Variants in ADAMTS3 observed in about 807,000 individuals in gnomAD.
The protein encoded by ADAMTS3 is ADAM metallopeptidase with thrombospondin type 1 motif 3, also known as A disintegrin and metalloproteinase with thrombospondin motifs 3.
A neutral mutation model predicts 129.0 loss-of-function variants in ADAMTS3; 73 were observed. That is an observed-to-expected ratio of 0.57 (90% CI 0.47 to 0.69). ADAMTS3 has a LOEUF of 0.69. Among genes scored for constraint, ADAMTS3 ranks in the 30% least tolerant of loss-of-function variants. The pLI, the probability that ADAMTS3 is intolerant of heterozygous loss-of-function variation, is 0.00. For missense variants in ADAMTS3, 1,457 were observed against 1,514.5 expected (o/e 0.96, Z 0.63); for synonymous variants, 477 against 510.8 (o/e 0.93, Z 0.89).
intron 2 of ADAMTS3, among the ~76,000 whole-genome samples, chr4:72,564,769 C>T (rs1281711477): frequency 1.3e-5 from 2 of 152,144 alleles, no homozygotes; most frequent in East Asian, 3.8e-4. Flanking sequence ...CACAAACTGC[C>T]TTCTCTTTAC....
At chr4:72,326,310 C>T (rs1719696994) in intron 5 of ADAMTS3, among the ~76,000 whole-genome samples, 1 of 152,024 alleles carries the variant, frequency 6.6e-6, no homozygotes, top group Admixed American at 6.6e-5. Flanking sequence ...ATTTTCAAGG[C>T]TTAAAAAAGT....
intron 3 of ADAMTS3, among the ~76,000 whole-genome samples, chr4:72,455,481 G>A (rs2109974992): frequency 6.6e-6 from 1 of 151,322 alleles, no homozygotes; most frequent in Non-Finnish European, 1.5e-5. Flanking sequence ...TTGGGGGTGG[G>A]GAACTATGGG....
chr4:72,427,356 C>T (rs1262157291), intron 3 of ADAMTS3, among the ~76,000 whole-genome samples: 1 of 152,056 alleles, frequency 6.6e-6, no homozygotes, highest in Non-Finnish European at 1.5e-5. Context: ...CATTACATTC[C>T]CCTTTTGAGT....
At chr4:72,346,594 G>A (rs997476320) in intron 4 of ADAMTS3, among the ~76,000 whole-genome samples, 4 of 152,052 alleles carry the variant, frequency 2.6e-5, no homozygotes, top group Non-Finnish European at 4.4e-5. Context: ...ACATTTGGGT[G>A]TGGGCAAGGT....
intron 2 of ADAMTS3, among the ~76,000 whole-genome samples, chr4:72,565,366 G>GA (rs953316267): frequency 3.3e-5 from 5 of 151,882 alleles, no homozygotes; most frequent in South Asian, 4.2e-4. Context: ...TCAGTTAATA[G>GA]AAAAAAAATA....
intron 3 of ADAMTS3, among the ~76,000 whole-genome samples, chr4:72,426,350 T>C (rs967746698): frequency 6.6e-6 from 1 of 152,162 alleles, no homozygotes; most frequent in Non-Finnish European, 1.5e-5. Context: ...TAGATCCCAT[T>C]TGTCAATTTT....
chr4:72,363,944 G>C (rs1415352938), intron 4 of ADAMTS3, among the ~76,000 whole-genome samples: 2 of 151,778 alleles, frequency 1.3e-5, no homozygotes, highest in Admixed American at 6.6e-5. Context: ...TGATGATGAA[G>C]AACAATGTAA....
intron 2 of ADAMTS3, among the ~76,000 whole-genome samples, chr4:72,552,300 C>T (rs957283654): frequency 1.3e-5 from 2 of 152,134 alleles, no homozygotes; most frequent in African/African-American, 2.4e-5. Context: ...GTTACAACTT[C>T]ATAGGTTTGG....
At chr4:72,534,431 T>G (rs1224201666) in intron 3 of ADAMTS3, among the ~76,000 whole-genome samples, 1 of 152,118 alleles carries the variant, frequency 6.6e-6, no homozygotes, top group Non-Finnish European at 1.5e-5. Context: ...AAGGGACCAG[T>G]GGAAGCAATA....
chr4:72,441,287 CTATA>C (rs1718109318), intron 3 of ADAMTS3, among the ~76,000 whole-genome samples: 1 of 151,560 alleles, frequency 6.6e-6, no homozygotes, highest in Non-Finnish European at 1.5e-5. Context: ...TATGAACACA[CTATA>C]TATTTTATGT....
chr4:72,390,553 T>C (rs550384301), intron 4 of ADAMTS3, among the ~76,000 whole-genome samples: 30 of 152,300 alleles, frequency 2.0e-4, no homozygotes, highest in Non-Finnish European at 3.8e-4. Flanking sequence ...TCCTATTATC[T>C]CATACTTTAT....
intron 3 of ADAMTS3, among the ~76,000 whole-genome samples, chr4:72,498,333 G>A (rs905769735): frequency 8.6e-5 from 13 of 151,320 alleles, no homozygotes; most frequent in African/African-American, 3.2e-4. Context: ...ATGACATCAC[G>A]AGCTCTACTC....
chr4:72,430,011 C>T (rs1039112092), intron 3 of ADAMTS3, among the ~76,000 whole-genome samples: 5 of 151,968 alleles, frequency 3.3e-5, no homozygotes, highest in Admixed American at 6.6e-5. Flanking sequence ...CCCTGAACAA[C>T]GGTTTAAGTA....
chr4:72,539,347 C>T (rs899298459), intron 3 of ADAMTS3, among the ~76,000 whole-genome samples: 1 of 151,906 alleles, frequency 6.6e-6, no homozygotes, highest in Non-Finnish European at 1.5e-5. Context: ...CAAATGACTT[C>T]AGTAGACATT....
chr4:72,371,467 A>G (rs1721003127), intron 4 of ADAMTS3, among the ~76,000 whole-genome samples: 1 of 151,618 alleles, frequency 6.6e-6, no homozygotes, highest in Non-Finnish European at 1.5e-5. Flanking sequence ...ATAAATAAAT[A>G]AATAAATAAA....
chr4:72,463,757 A>G (rs1019930078), intron 3 of ADAMTS3, among the ~76,000 whole-genome samples: 8 of 151,206 alleles, frequency 5.3e-5, no homozygotes, highest in South Asian at 2.1e-4. Context: ...TTCCTCTTCC[A>G]CAACTTCACA....
intron 3 of ADAMTS3, among the ~76,000 whole-genome samples, chr4:72,478,717 A>G (rs1375387707): frequency 1.7e-4 from 25 of 151,038 alleles, no homozygotes; most frequent in African/African-American, 6.1e-4. Flanking sequence ...AGAAGGAAAT[A>G]AAGGGTATTC....
chr4:72,499,099 C>T (rs1719943193), intron 3 of ADAMTS3, among the ~76,000 whole-genome samples: 1 of 152,048 alleles, frequency 6.6e-6, no homozygotes, highest in African/African-American at 2.4e-5. Flanking sequence ...AGCAAGCACC[C>T]CATGTGAGAC....
intron 4 of ADAMTS3, among the ~76,000 whole-genome samples, chr4:72,371,903 C>CA (rs34017100): frequency 0.018 from 2,562 of 142,478 alleles, 30 homozygotes; most frequent in Middle Eastern, 0.025. Context: ...ATACAAATTT[C>CA]AAAAAAAAAA....
Sources: allele counts gnomAD v4.1 joint callset (sites outside exome capture counted in the v4.1 genomes callset), GRCh38; gene constraint gnomAD v4.1.1; transcripts MANE v1.5; gene names NCBI Gene and HGNC (gene_info 2026-07-23, HGNC 2026-07-21).